Variants in RHEB observed in about 807,000 individuals in gnomAD.
The protein encoded by RHEB is GTP-binding protein Rheb.
RHEB carries 2 observed loss-of-function variants against 28.8 expected under a neutral mutation model. The ratio of observed to expected loss-of-function variants is 0.07; its 90% CI spans 0.03 to 0.22. The LOEUF is 0.22. RHEB is among the 10% of genes least tolerant of loss of function. The pLI, the probability that RHEB is intolerant of heterozygous loss-of-function variation, is 1.00. For synonymous variants in RHEB, 69 were observed against 77.3 expected, an observed-to-expected ratio of 0.89 and a Z score of 0.56; for missense variants, 76 against 219.9, an observed-to-expected ratio of 0.35 and a Z score of 4.14.
At chr7:151,497,608 G>T (rs1195032983) in intron 1 of RHEB, among the ~76,000 whole-genome samples, 1 of 152,172 alleles carries the variant, frequency 6.6e-6, no homozygotes, top group Non-Finnish European at 1.5e-5. Context: ...GACGGCACTC[G>T]CAATGTCCCG....
intron 4 of RHEB, 131 bp from the exon 5 acceptor site, chr7:151,471,736 A>G (rs1584846625): frequency 1.5e-6 from 1 of 645,616 alleles, no homozygotes; most frequent in South Asian, 2.1e-5. Context: ...AATGAACACA[A>G]AGAACTCCTG....
At chr7:151,510,652 A>G (rs1802964477) in intron 1 of RHEB, among the ~76,000 whole-genome samples, 1 of 152,216 alleles carries the variant, frequency 6.6e-6, no homozygotes. Flanking sequence ...TCAAATGCTT[A>G]ATGAACACCT....
rs1438978720 is a variant in RHEB at position 151,466,061 on chromosome 7, T to C, written c.*1058A>G. On this transcript the variant is annotated 3_prime_UTR_variant, in exon 8 of 8. Coordinates refer to ENST00000262187, the MANE Select transcript of RHEB (RefSeq NM_005614.4). Reference sequence around the variant, plus strand: ...AATAAAGTCAATGGTAACATTTGCTTACGTATTAGAAATAGCCCTGTGAAA... The same window carrying C: ...AATAAAGTCAATGGTAACATTTGCTCACGTATTAGAAATAGCCCTGTGAAA... 6.6e-6 allele frequency: 1 copy of C among 152,234 alleles called. No individual in the cohort carries two copies. Among genetic ancestry groups the C allele is most frequent in the African/African-American group, 2.4e-5 (1 of 41,456 alleles). The allele number at this position is 152,234 out of a possible 1,614,324, so 9.4% of individuals were successfully genotyped here. A position where few individuals can be genotyped will look rare whatever the true frequency, so the allele number is the denominator to read the frequency against.
intron 2 of RHEB, among the ~76,000 whole-genome samples, chr7:151,485,713 A>T (rs1802460159): frequency 6.6e-6 from 1 of 152,222 alleles, no homozygotes; most frequent in South Asian, 2.1e-4. Flanking sequence ...AAATTATGTG[A>T]GAAAACTCTA....
At chr7:151,513,102 C>A (rs1462314793) in intron 1 of RHEB, among the ~76,000 whole-genome samples, 1 of 152,078 alleles carries the variant, frequency 6.6e-6, no homozygotes, top group Non-Finnish European at 1.5e-5. Context: ...CCCTTTGGTA[C>A]CTGTCTTTTT....
rs1366365010 is a variant in RHEB, at chr7:151,478,641, A to T, written c.193-1226T>A. Among the ~76,000 whole-genome samples, 4 of 148,224 alleles carry T rather than the reference A, an allele frequency of 2.7e-5. No individual in the cohort carries two copies. In the East Asian group the frequency reaches 7.8e-4, roughly 29 times the overall value. On this transcript the variant is annotated intron_variant, in intron 3 of 7. Transcript: ENST00000262187. ...AGAGCCCCCAGCTGATATAATTCTGATTTTTTTTTTTGAGACGTAGTTTCC... is the reference window on the plus strand; with the variant it reads ...AGAGCCCCCAGCTGATATAATTCTGTTTTTTTTTTTTGAGACGTAGTTTCC...
At chr7:151,519,389 C>G (rs1803140523) in intron 1 of RHEB, 71 bp downstream of exon 1, 1 of 1,177,388 alleles carries the variant, frequency 8.5e-7, no homozygotes, top group African/African-American at 1.6e-5. Context: ...ACTTCGCAGG[C>G]CCGGCCGCGA....
chr7:151,508,700 A>G lies in RHEB; in HGVS notation c.52+10760T>C, dbSNP rs1802931550. On this transcript the variant is annotated intron_variant, in intron 1 of 7. Transcript: ENST00000262187. ...GAGACAGGGTTTCGCTGTGTTGCCC[A>G]GGTTGTTCTGGAGCTCCTGAGCTCA... Among the ~76,000 whole-genome samples the G allele has an allele frequency of 2.0e-5, 3 of 147,110 alleles. No homozygotes were observed. In the South Asian group the frequency reaches 6.4e-4, roughly 31 times the overall value.
chr7:151,493,047 T>G (rs1452661214), intron 1 of RHEB, among the ~76,000 whole-genome samples: 1 of 152,070 alleles, frequency 6.6e-6, no homozygotes, highest in Non-Finnish European at 1.5e-5. Flanking sequence ...TTCACCACAT[T>G]GGTCAGGCTG....
In RHEB at chr7:151,472,346, C is replaced by T. The variant is rs1382139818; in HGVS notation, c.276-741G>A. On this transcript the variant is annotated intron_variant, in intron 4 of 7. Coordinates refer to ENST00000262187, the MANE Select transcript of RHEB (RefSeq NM_005614.4). The surrounding 1 kb of genome is among the most constrained non-coding windows in gnomAD (Gnocchi z 5.2). ...TCAGTTCCACAGCCCCAACCCTTCC[C>T]CGCCACCCCTGCTCAGCACAGCAAC... 6.6e-6 allele frequency among the ~76,000 whole-genome samples: 1 copy of T among 152,180 alleles called. No individual in the cohort carries two copies. The highest frequency in any genetic ancestry group is 2.4e-5 in the African/African-American group (1 of 41,446).
Position 151,503,347 on chromosome 7 carries a change from G to A in RHEB, c.53-12333C>T, listed in dbSNP as rs972280439. On this transcript the variant is annotated intron_variant, in intron 1 of 7. Coordinates refer to ENST00000262187, the MANE Select transcript of RHEB (RefSeq NM_005614.4). Reference sequence around the variant, plus strand: ...AATGATCACAGATAAAATGCAAGACGGGTCTCGGTTTGTGAAAGGATTTGG... The same window carrying A: ...AATGATCACAGATAAAATGCAAGACAGGTCTCGGTTTGTGAAAGGATTTGG... 1.4e-4 allele frequency: 122 copies of A among 887,544 alleles called. No individual in the cohort carries two copies. The Admixed American group carries it at 2.0e-3, about 14-fold the overall frequency. The allele number at this position is 887,544 out of a possible 1,614,324, so 55.0% of individuals were successfully genotyped here.
intron 7 of RHEB, among the ~76,000 whole-genome samples, chr7:151,469,575 A>G (rs1016322127): frequency 2.6e-5 from 4 of 152,226 alleles, no homozygotes; most frequent in Non-Finnish European, 4.4e-5. Context: ...ATGAAAACCA[A>G]GTCATCTTAC....
At chr7:151,470,709 G>A in intron 6 of RHEB, 57 bp from the exon 7 acceptor site, 1 of 1,186,836 alleles carries the variant, frequency 8.4e-7, no homozygotes, top group Admixed American at 2.1e-5. Context: ...TATAAAACAT[G>A]TATAATTGAT....
rs1443191246 is a variant in RHEB, at chr7:151,466,736, G to C, written c.*383C>G. Reference sequence around the variant, plus strand: ...AGGTTTGCAGCTATTTTATTTACAAGTATACATTTAACACAATGAAATAAA... The same window carrying C: ...AGGTTTGCAGCTATTTTATTTACAACTATACATTTAACACAATGAAATAAA... On this transcript the variant is annotated 3_prime_UTR_variant, in exon 8 of 8. Coordinates refer to ENST00000262187, the MANE Select transcript of RHEB (RefSeq NM_005614.4). 6.1e-6 allele frequency: 1 copy of C among 163,084 alleles called. No homozygotes were observed. Among genetic ancestry groups the C allele is most frequent in the East Asian group, 1.8e-4 (1 of 5,658 alleles). 10.1% of individuals were successfully genotyped at this position (163,084 alleles called of 1,614,324 possible).
intron 1 of RHEB, among the ~76,000 whole-genome samples, chr7:151,504,320 GA>G (rs560112724): frequency 9.2e-5 from 14 of 152,104 alleles, no homozygotes; most frequent in South Asian, 2.1e-4. Flanking sequence ...TAAGTGGGGG[GA>G]AAAAATCCAC....
intron 1 of RHEB, among the ~76,000 whole-genome samples, chr7:151,518,498 T>C (rs190961389): frequency 1.3e-5 from 2 of 152,110 alleles, no homozygotes; most frequent in East Asian, 3.9e-4. Flanking sequence ...TGAACTAATT[T>C]CTCCAGGCTT....
Position 151,467,125 on chromosome 7 carries a change from C to T in RHEB, c.549G>A (p.Val183=). ...AASQGKSSCS[V]M ...CTCAGGCTTTGCAGCAGAATCACAT[C>T]ACCGAGCATGAAGACTTGCCTTGTG... Residue 183 remains valine (V), a synonymous_variant, in exon 8 of 8, where the codon GTG becomes GTA. Coordinates refer to ENST00000262187, the MANE Select transcript of RHEB (RefSeq NM_005614.4). The T allele has an allele frequency of 6.2e-7, 1 of 1,611,902 alleles. No homozygotes were observed.
chr7:151,493,078 T>G (rs1563096721), intron 1 of RHEB, among the ~76,000 whole-genome samples: 1 of 152,042 alleles, frequency 6.6e-6, no homozygotes, highest in Non-Finnish European at 1.5e-5. Context: ...CCTGACCTCA[T>G]GATCCACCCG....
intron 1 of RHEB, among the ~76,000 whole-genome samples, chr7:151,497,759 C>G (rs1802699706): frequency 6.6e-6 from 1 of 152,166 alleles, no homozygotes; most frequent in Non-Finnish European, 1.5e-5. Flanking sequence ...GAGTTAGCCA[C>G]CCTCCCCTTC....
Sources: allele counts gnomAD v4.1 joint callset (sites outside exome capture counted in the v4.1 genomes callset), GRCh38; gene constraint gnomAD v4.1.1; non-coding constraint Gnocchi (gnomAD v3.1); transcripts MANE v1.5; gene names NCBI Gene and HGNC (gene_info 2026-07-23, HGNC 2026-07-21).